Variants in PCDHA2 observed in about 807,000 individuals in gnomAD.
PCDHA2 encodes the protein protocadherin alpha 2.
In PCDHA2, 58 loss-of-function variants were observed where a neutral mutation model predicts 66.0. The ratio of observed to expected loss-of-function variants is 0.88; its 90% CI spans 0.71 to 1.09. The LOEUF is 1.09. Among genes scored for constraint, PCDHA2 ranks in the 50% least tolerant of loss-of-function variants. The probability of loss-of-function intolerance (pLI) is 0.00; values close to 1 mark genes in which losing one functional copy is unlikely to be tolerated. For synonymous variants in PCDHA2, 634 were observed against 554.0 expected, an observed-to-expected ratio of 1.14 and a Z score of -2.03; for missense variants, 1,267 against 1,242.3, an observed-to-expected ratio of 1.02 and a Z score of -0.30.
rs200253752 is a variant in PCDHA2, at chr5:140,890,259, T to TA, written c.2389-88690_2389-88689insA. ...TTTACCAGTACACTACTGCACCTGA[T>TA]TGCAAGCAAGAACCACTCAGTTGAG... On this transcript the variant is annotated intron_variant, in intron 1 of 3. Coordinates refer to ENST00000526136, the MANE Select transcript of PCDHA2 (RefSeq NM_018905.3). Among the ~76,000 whole-genome samples the TA allele has an allele frequency of 8.0e-3, 1,219 of 152,258 alleles. 6 individuals carry two copies. Among genetic ancestry groups the TA allele is most frequent in the African/African-American group, 0.019 (787 of 41,546 alleles).
At position 140,886,685 on chromosome 5, in the gene PCDHA2, G is replaced by A. The variant is rs1250817978; in HGVS notation, c.2388+89333G>A. On this transcript the variant is annotated intron_variant, in intron 1 of 3. Transcript: ENST00000526136. The stretch of plus-strand genomic sequence containing the variant: ...TACTAAAAATACAAAAATTAGCGAG[G>A]CATGGTGGCACGCGCCTGTAATCCC... Among the ~76,000 whole-genome samples the A allele has an allele frequency of 2.6e-5, 4 of 152,080 alleles. No homozygotes were observed. In the East Asian group the frequency reaches 7.8e-4, roughly 30 times the overall value.
intron 1 of PCDHA2, among the ~76,000 whole-genome samples, chr5:140,840,071 T>C (rs1307463019): frequency 6.6e-6 from 1 of 151,952 alleles, no homozygotes; most frequent in Non-Finnish European, 1.5e-5. Flanking sequence ...AATTAGTCAA[T>C]AGAAAGATAA....
At chr5:140,802,182 C>T in intron 1 of PCDHA2, 2 of 1,614,192 alleles carry the variant, frequency 1.2e-6, no homozygotes, top group African/African-American at 1.3e-5. Context: ...AGGAAATCCC[C>T]CAATGTCAGA....
intron 3 of PCDHA2, among the ~76,000 whole-genome samples, chr5:140,985,795 A>G (rs2097171299): frequency 7.3e-6 from 1 of 136,386 alleles, no homozygotes; most frequent in African/African-American, 2.8e-5. Context: ...GCTGGAGTGC[A>G]GTGGCACGAT....
rs1297383367 is a variant in PCDHA2 at position 140,898,744 on chromosome 5, G to T, written c.2389-80205G>T. ...CTGTGAAGAAAGTCATTGGTAGCTT[G>T]ATGGGGATGGCATTGAATCTGTAAA... is the stretch of plus-strand genomic sequence containing the variant. On this transcript the variant is annotated intron_variant, in intron 1 of 3. Coordinates refer to ENST00000526136, the MANE Select transcript of PCDHA2 (RefSeq NM_018905.3). 1.1e-4 allele frequency among the ~76,000 whole-genome samples: 17 copies of T among 152,248 alleles called. 2 individuals are homozygous for T. Among genetic ancestry groups the T allele is most frequent in the East Asian group, 7.7e-4 (4 of 5,188 alleles).
chr5:140,985,759 T>TTTTA (rs2097169056), intron 3 of PCDHA2, among the ~76,000 whole-genome samples: 2 of 149,086 alleles, frequency 1.3e-5, no homozygotes, highest in East Asian at 2.0e-4. Context: ...TTTTTTTTTT[T>TTTTA]GAGACAGTCT....
rs1554119843 is a variant in PCDHA2, at chr5:140,796,323, G to A, written c.1359G>A (p.Pro453=). 1.9e-6 allele frequency: 3 copies of A among 1,614,066 alleles called. No individual in the cohort carries two copies. The highest frequency in any genetic ancestry group is 1.7e-6 in the Non-Finnish European group (2 of 1,179,984). The change falls in exon 1 of 4, where the codon CCG becomes CCA. Residue 453 remains proline, a synonymous_variant. Coordinates refer to ENST00000526136, the MANE Select transcript of PCDHA2 (RefSeq NM_018905.3). ...TGGCCGACGTGAACGACAACGCGCCGGCGTTCGCACAGCCTGAGTACACAG... is the reference window on the plus strand; with the variant it reads ...TGGCCGACGTGAACGACAACGCGCCAGCGTTCGCACAGCCTGAGTACACAG... The part of the protein sequence containing the change: ...IEVADVNDNA[P]AFAQPEYTVF...
In PCDHA2 at chr5:140,823,574, C is replaced by T. The variant is rs2150127035; in HGVS notation, c.2388+26222C>T. The T allele has an allele frequency of 1.3e-5, 21 of 1,613,944 alleles. 1 individual carries two copies. Among genetic ancestry groups the T allele is most frequent in the South Asian group, 1.2e-4 (11 of 91,078 alleles). On this transcript the variant is annotated intron_variant, in intron 1 of 3. Transcript: ENST00000526136. The stretch of plus-strand genomic sequence containing the variant: ...AAGGTGCGCGCAGTGGACCCTGATT[C>T]GGGCTACAACGCTTGGCTTTCGTAT...
At chr5:140,808,520 G>T (rs1554124610) in intron 1 of PCDHA2, 1 of 1,614,070 alleles carries the variant, frequency 6.2e-7, no homozygotes, top group East Asian at 2.2e-5. Context: ...TTCTGTGGAG[G>T]TGGCTGATGT....
intron 1 of PCDHA2, among the ~76,000 whole-genome samples, chr5:140,913,111 T>C (rs2076211610): frequency 6.6e-6 from 1 of 152,194 alleles, no homozygotes; most frequent in Non-Finnish European, 1.5e-5. Context: ...TAGAATCAGT[T>C]TGGAAGTTAA....
chr5:140,808,851 T>C (rs781838352), intron 1 of PCDHA2: 25 of 1,613,028 alleles, frequency 1.5e-5, no homozygotes, highest in Non-Finnish European at 2.0e-5. Flanking sequence ...CAGGTGTTCG[T>C]GCTGGACGAA....
intron 1 of PCDHA2, chr5:140,807,363 T>C (rs1554123903): frequency 1.2e-6 from 2 of 1,609,620 alleles, no homozygotes; most frequent in East Asian, 2.2e-5. Context: ...CTGGCGGAGC[T>C]GGTGCCGCGC....
Position 140,795,912 on chromosome 5 carries a change from C to A in PCDHA2, c.948C>A (p.Tyr316Ter), listed in dbSNP as rs138543529. The change falls in exon 1 of 4, where the codon TAC (tyrosine) becomes TAA (stop). Residue 316 changes from tyrosine to a stop codon, truncating the protein, a stop_gained. Transcript: ENST00000526136. LOFTEE classifies it high-confidence loss of function. The part of the protein sequence containing the change: ...GKLDYEEAKS[Y>*]EIQVTATDKG... ...TAGATTATGAAGAAGCAAAGTCCTA[C>A]GAGATTCAGGTCACTGCAACTGACA... 4.3e-6 allele frequency: 7 copies of A among 1,613,790 alleles called. No homozygotes were observed. Among genetic ancestry groups the A allele is most frequent in the Non-Finnish European group, 5.9e-6 (7 of 1,179,766 alleles).
intron 1 of PCDHA2, chr5:140,876,827 C>T (rs1554168978): frequency 6.2e-7 from 1 of 1,614,182 alleles, no homozygotes; most frequent in Admixed American, 1.7e-5. Context: ...AACGACAATG[C>T]GCCTGCGTTC....
At chr5:140,834,629 C>A (rs2150222976) in intron 1 of PCDHA2, 3 of 1,614,154 alleles carry the variant, frequency 1.9e-6, no homozygotes, top group Non-Finnish European at 2.5e-6. Flanking sequence ...TGCAGAATGG[C>A]ATTTTGTTTG....
At position 140,928,315 on chromosome 5, in the gene PCDHA2, G is replaced by A. The variant is rs535660713; in HGVS notation, c.2389-50634G>A. On this transcript the variant is annotated intron_variant, in intron 1 of 3. Coordinates refer to ENST00000526136, the MANE Select transcript of PCDHA2 (RefSeq NM_018905.3). ...AGTGTTTGCCCAGGACCCCGACCTG[G>A]GGAAGAATGGCCTTGTCTCTTATGA... The A allele has an allele frequency of 1.3e-4, 210 of 1,614,054 alleles. No homozygotes were observed. Among genetic ancestry groups the A allele is most frequent in the Non-Finnish European group, 1.7e-4 (203 of 1,180,048 alleles).
chr5:140,939,215 G>C (rs1251785254), intron 1 of PCDHA2, among the ~76,000 whole-genome samples: 1 of 152,154 alleles, frequency 6.6e-6, no homozygotes, highest in African/African-American at 2.4e-5. Context: ...CCTTCTTGCT[G>C]TCTCTTCACC....
At chr5:140,948,106 T>A (rs1383733772) in intron 1 of PCDHA2, among the ~76,000 whole-genome samples, 1 of 151,652 alleles carries the variant, frequency 6.6e-6, no homozygotes, top group Non-Finnish European at 1.5e-5. Context: ...TGATTTTTCT[T>A]CGTTTTACTA....
At chr5:140,882,072 T>C in intron 1 of PCDHA2, 2 of 861,580 alleles carry the variant, frequency 2.3e-6, no homozygotes, top group South Asian at 1.9e-5. Context: ...TTCATGCGCA[T>C]GGTGTCGCTC....
Sources: gnomAD v4.1 joint callset for allele counts (sites outside exome capture counted in the v4.1 genomes callset) on GRCh38, gnomAD v4.1.1 for gene constraint, MANE v1.5 for transcripts, NCBI Gene and HGNC (gene_info 2026-07-23, HGNC 2026-07-21) for gene names.